Variants in SLX9 observed in about 807,000 individuals in gnomAD.
SLX9 encodes the protein SLX9 ribosome biogenesis factor.
In SLX9, 19 loss-of-function variants were observed where a neutral mutation model predicts 20.8. The observed-to-expected ratio is 0.91, with a 90% CI of 0.64 to 1.34. SLX9 has a LOEUF of 1.34. Among genes scored for constraint, SLX9 ranks in the 40% most tolerant of loss-of-function variants. The pLI, the probability that SLX9 is intolerant of heterozygous loss-of-function variation, is 0.00. For missense variants in SLX9, 299 were observed against 322.2 expected, an observed-to-expected ratio of 0.93 and a Z score of 0.55; for synonymous variants, 113 against 137.1, an observed-to-expected ratio of 0.82 and a Z score of 1.23.
intron 2 of SLX9, among the ~76,000 whole-genome samples, chr21:44,953,310 G>A (rs754722645): frequency 1.3e-5 from 2 of 152,198 alleles, no homozygotes; most frequent in East Asian, 1.9e-4. Context: ...TAGGCAGGTC[G>A]TGGAGGCTGT....
intron 5 of SLX9, among the ~76,000 whole-genome samples, chr21:44,973,482 C>G (rs2085200080): frequency 1.0e-5 from 1 of 96,862 alleles, no homozygotes; most frequent in African/African-American, 4.1e-5. Flanking sequence ...CTCCTGAGTG[C>G]CCTCACCCCG....
At chr21:44,941,718 T>C (rs1391211755) in intron 1 of SLX9, among the ~76,000 whole-genome samples, 2 of 152,184 alleles carry the variant, frequency 1.3e-5, no homozygotes, top group Non-Finnish European at 2.9e-5. Context: ...TCCTTGAACA[T>C]GCGCACAGCC....
intron 4 of SLX9, among the ~76,000 whole-genome samples, chr21:44,968,086 G>A (rs1043384916): frequency 7.2e-5 from 11 of 151,780 alleles, no homozygotes; most frequent in African/African-American, 2.7e-4. Context: ...CTGGACCCCA[G>A]TGGGGCCCCT....
chr21:44,959,819 G>T (rs901150531), intron 2 of SLX9, among the ~76,000 whole-genome samples: 34 of 152,354 alleles, frequency 2.2e-4, no homozygotes, highest in Non-Finnish European at 1.5e-5. Flanking sequence ...TGGGGAGGAG[G>T]CCTCCTTGTT....
At chr21:44,967,007 C>T (rs2085047657) in intron 3 of SLX9, 27 bp from the exon 4 acceptor site, 7 of 1,592,102 alleles carry the variant, frequency 4.4e-6, no homozygotes, top group East Asian at 2.3e-5. Context: ...CTCTTGTTTG[C>T]CTCTAACGTC....
chr21:44,941,446 C>A (rs879390646), intron 1 of SLX9, among the ~76,000 whole-genome samples: 2 of 151,680 alleles, frequency 1.3e-5, no homozygotes, highest in Non-Finnish European at 2.9e-5. Context: ...CTCTGATGTG[C>A]CCCCTTGGTT....
intron 1 of SLX9, among the ~76,000 whole-genome samples, chr21:44,942,783 A>G (rs1307531563): frequency 6.6e-6 from 1 of 152,154 alleles, no homozygotes; most frequent in East Asian, 1.9e-4. Context: ...CCACATGGGG[A>G]GGCTGCAGGA....
chr21:44,945,345 C>CTG (rs1601372695), intron 2 of SLX9, among the ~76,000 whole-genome samples: 1 of 152,244 alleles, frequency 6.6e-6, no homozygotes, highest in South Asian at 2.1e-4. Context: ...TCCCTGGTTG[C>CTG]TGACAAGGCC....
chr21:44,974,526 G>A (rs1405243264), intron 5 of SLX9, among the ~76,000 whole-genome samples: 1 of 152,182 alleles, frequency 6.6e-6, no homozygotes, highest in East Asian at 1.9e-4. Flanking sequence ...GTGAAGTATA[G>A]ATAGTATAGT....
chr21:44,962,159 T>A (rs1165524664), intron 3 of SLX9, among the ~76,000 whole-genome samples: 1 of 152,246 alleles, frequency 6.6e-6, no homozygotes, highest in Non-Finnish European at 1.5e-5. Context: ...TCTTTTTTTT[T>A]CTTTTTCTTT....
At chr21:44,971,868 T>G (rs1300538951) in intron 4 of SLX9, among the ~76,000 whole-genome samples, 1 of 152,106 alleles carries the variant, frequency 6.6e-6, no homozygotes, top group Non-Finnish European at 1.5e-5. Flanking sequence ...TGGGGAGATG[T>G]CGTCAGCCCC....
At chr21:44,948,027 G>T (rs2084676036) in intron 2 of SLX9, among the ~76,000 whole-genome samples, 1 of 146,778 alleles carries the variant, frequency 6.8e-6, no homozygotes, top group African/African-American at 2.8e-5. Context: ...TGCTGTGCGT[G>T]CTGTGTGGCC....
At chr21:44,960,417 C>T (rs1265408975) in intron 3 of SLX9, among the ~76,000 whole-genome samples, 1 of 152,252 alleles carries the variant, frequency 6.6e-6, no homozygotes, top group Non-Finnish European at 1.5e-5. Context: ...GGCACTGCCA[C>T]CCCGTCCGTG....
chr21:44,952,815 G>A (rs1342978857), intron 2 of SLX9, among the ~76,000 whole-genome samples: 1 of 152,238 alleles, frequency 6.6e-6, no homozygotes, highest in Admixed American at 6.5e-5. Context: ...GGTGGCTGGA[G>A]CTATTTAAGG....
intron 3 of SLX9, among the ~76,000 whole-genome samples, chr21:44,965,243 C>T (rs1032789291): frequency 6.6e-6 from 1 of 152,178 alleles, no homozygotes; most frequent in Non-Finnish European, 1.5e-5. Context: ...TGCACTCTCC[C>T]GTTGGTTCTC....
At chr21:44,971,357 C>G (rs1439365792) in intron 4 of SLX9, among the ~76,000 whole-genome samples, 2 of 132,652 alleles carry the variant, frequency 1.5e-5, no homozygotes, top group African/African-American at 5.9e-5. Context: ...AGCACTCTGT[C>G]CCCGGGGCCC....
intron 2 of SLX9, among the ~76,000 whole-genome samples, chr21:44,954,552 G>A (rs770358270): frequency 6.6e-6 from 1 of 152,316 alleles, no homozygotes; most frequent in South Asian, 2.1e-4. Flanking sequence ...GAGGTGAGCC[G>A]TTTGCCTTTC....
At chr21:44,971,291 C>T (rs914678541) in intron 4 of SLX9, among the ~76,000 whole-genome samples, 1 of 152,204 alleles carries the variant, frequency 6.6e-6, no homozygotes, top group Non-Finnish European at 1.5e-5. Context: ...GCTGTTAGGC[C>T]TCGTGGAGTC....
intron 1 of SLX9, among the ~76,000 whole-genome samples, chr21:44,942,249 T>A (rs1463681463): frequency 6.6e-6 from 1 of 152,208 alleles, no homozygotes; most frequent in African/African-American, 2.4e-5. Flanking sequence ...TGGTCCCTGT[T>A]TGCCTGTGAG....
Sources: gnomAD v4.1 joint callset for allele counts (sites outside exome capture counted in the v4.1 genomes callset) on GRCh38, gnomAD v4.1.1 for gene constraint, MANE v1.5 for transcripts, NCBI Gene and HGNC (gene_info 2026-07-23, HGNC 2026-07-21) for gene names.